Variants in PTPRN2 observed in about 807,000 individuals in gnomAD.
PTPRN2 encodes the protein receptor-type tyrosine-protein phosphatase N2.
PTPRN2 carries 74 observed loss-of-function variants against 118.8 expected under a neutral mutation model. The observed-to-expected ratio is 0.62, with a 90% CI of 0.52 to 0.76. The LOEUF (loss-of-function observed/expected upper bound fraction) is 0.76. Among genes scored for constraint, PTPRN2 ranks in the 30% least tolerant of loss-of-function variants. The probability of loss-of-function intolerance (pLI) is 0.00; values close to 1 mark genes in which losing one functional copy is unlikely to be tolerated. For missense variants in PTPRN2, 1,481 were observed against 1,394.4 expected, an observed-to-expected ratio of 1.06 and a Z score of -0.99; for synonymous variants, 641 against 608.0, an observed-to-expected ratio of 1.05 and a Z score of -0.80.
chr7:158,105,963 G>C (rs1815650489), intron 10 of PTPRN2, among the ~76,000 whole-genome samples: 2 of 151,548 alleles, frequency 1.3e-5, no homozygotes, highest in African/African-American at 4.9e-5. Context: ...CTCCATCCCA[G>C]CTCCATCCAG....
chr7:158,583,405 T>C (rs997482642), intron 1 of PTPRN2, among the ~76,000 whole-genome samples: 3 of 152,062 alleles, frequency 2.0e-5, no homozygotes, highest in South Asian at 2.1e-4. Flanking sequence ...CTGTGCACCA[T>C]GATGGGGCCC....
rs2084600917 is a variant in PTPRN2 at position 158,457,558 on chromosome 7, A to G, written c.163+32177T>C. ...GGGAGTCACAGTAAAGCCACCGTCA[A>G]AACTCCTTCCAAGTTCATTAGCAAA... On this transcript the variant is annotated intron_variant, in intron 2 of 22. Coordinates refer to ENST00000389418, the MANE Select transcript of PTPRN2 (RefSeq NM_002847.5). 1.9e-5 allele frequency among the ~76,000 whole-genome samples: 2 copies of G among 107,808 alleles called. 1 individual carries two copies. The highest frequency in any genetic ancestry group is 4.0e-5 in the Non-Finnish European group (2 of 50,598). 70.7% of individuals were successfully genotyped at this position (107,808 alleles called of 152,430 possible).
chr7:157,946,618 T>C (rs1800506125), intron 11 of PTPRN2, among the ~76,000 whole-genome samples: 1 of 152,212 alleles, frequency 6.6e-6, no homozygotes, highest in East Asian at 1.9e-4. Flanking sequence ...AAGGGCCCTG[T>C]GGACTGAGCC....
intron 11 of PTPRN2, among the ~76,000 whole-genome samples, chr7:157,923,799 T>C (rs981199393): frequency 6.6e-6 from 1 of 152,212 alleles, no homozygotes; most frequent in Admixed American, 6.5e-5. Flanking sequence ...ACAGTGTTAG[T>C]GTAGGATGTT....
rs370704482 is a variant in PTPRN2, at chr7:157,922,571, G to A, written c.1724-23834C>T. Among the ~76,000 whole-genome samples, 10 of 120,188 alleles carry A rather than the reference G, an allele frequency of 8.3e-5. No homozygotes were observed. The East Asian group carries it at 1.0e-3, about 13-fold the overall frequency. The allele number at this position is 120,188 out of a possible 152,430, so 78.8% of individuals were successfully genotyped here. A position where few individuals can be genotyped will look rare whatever the true frequency, so the allele number is the denominator to read the frequency against. On this transcript the variant is annotated intron_variant, in intron 11 of 22. Coordinates refer to ENST00000389418, the MANE Select transcript of PTPRN2 (RefSeq NM_002847.5). ...AAGTGCTGATTTAAACAAGATAAAT[G>A]TTCTCTTTAGTTGGACACAAACTAG...
intron 12 of PTPRN2, among the ~76,000 whole-genome samples, chr7:157,841,556 A>G (rs1808421281): frequency 6.6e-6 from 1 of 152,208 alleles, no homozygotes; most frequent in Admixed American, 6.5e-5. Context: ...TGAGGCAGGG[A>G]AACTGCCCAT....
intron 2 of PTPRN2, among the ~76,000 whole-genome samples, chr7:158,335,474 A>G (rs1477306497): frequency 1.9e-5 from 1 of 52,336 alleles, no homozygotes; most frequent in Admixed American, 2.0e-4. Context: ...CGCTGTCACC[A>G]TAAGAGCTGA....
At chr7:157,835,814 A>G (rs1807894356) in intron 12 of PTPRN2, among the ~76,000 whole-genome samples, 2 of 152,218 alleles carry the variant, frequency 1.3e-5, no homozygotes, top group Admixed American at 6.5e-5. Flanking sequence ...TAATGGAACC[A>G]TAAAAATAAC....
intron 2 of PTPRN2, among the ~76,000 whole-genome samples, chr7:158,382,405 C>T (rs1811030823): frequency 6.6e-6 from 1 of 152,162 alleles, no homozygotes; most frequent in African/African-American, 2.4e-5. Flanking sequence ...ATGAATGCGA[C>T]TGTTCTCCTC....
In PTPRN2 at chr7:157,676,993, C is replaced by T. The variant is rs1042843057; in HGVS notation, c.2001+5732G>A. ...CAGACACCACGCACACCGCCCCTCC[C>T]CTGGTGCTGTGTGAGCACCCATCCT... On this transcript the variant is annotated intron_variant, in intron 13 of 22. Transcript: ENST00000389418. This position sits in a 1 kb window ranked among gnomAD's most constrained non-coding sequence, Gnocchi z 5.6. Among the ~76,000 whole-genome samples, 1 of 152,166 alleles carries T rather than the reference C, an allele frequency of 6.6e-6. No homozygotes were observed. The highest frequency in any genetic ancestry group is 1.5e-5 in the Non-Finnish European group (1 of 68,042).
At chr7:157,838,269 G>A (rs1276565257) in intron 12 of PTPRN2, among the ~76,000 whole-genome samples, 9 of 131,700 alleles carry the variant, frequency 6.8e-5, no homozygotes, top group African/African-American at 1.4e-4. Context: ...GCTCCTCTCC[G>A]CCGTACCTAT....
In PTPRN2 at chr7:157,787,910, C is replaced by T. The variant is rs557360845; in HGVS notation, c.1789-104973G>A. Among the ~76,000 whole-genome samples, 1 of 152,176 alleles carries T rather than the reference C, an allele frequency of 6.6e-6. No homozygotes were observed. The highest frequency in any genetic ancestry group is 1.5e-5 in the Non-Finnish European group (1 of 68,022). On this transcript the variant is annotated intron_variant, in intron 12 of 22. Coordinates refer to ENST00000389418, the MANE Select transcript of PTPRN2 (RefSeq NM_002847.5). The surrounding 1 kb of genome is among the most constrained non-coding windows in gnomAD (Gnocchi z 5.3). ...AAAAGCTGCTGGCAACATCGACGTC[C>T]CCAAGACACTGACAGGCCTGGAGGT...
chr7:158,041,795 C>T (rs1563354100), intron 11 of PTPRN2, among the ~76,000 whole-genome samples: 1 of 152,212 alleles, frequency 6.6e-6, no homozygotes, highest in Non-Finnish European at 1.5e-5. Flanking sequence ...ATTGCATGAT[C>T]TTGGTGATTC....
intron 3 of PTPRN2, among the ~76,000 whole-genome samples, chr7:158,262,353 A>C (rs556345374): frequency 1.5e-4 from 20 of 136,162 alleles, no homozygotes; most frequent in Admixed American, 5.0e-4. Context: ...ATTCACACAC[A>C]CTGCAAACAT....
chr7:158,319,230 C>G (rs566035352), intron 2 of PTPRN2, among the ~76,000 whole-genome samples: 2 of 152,250 alleles, frequency 1.3e-5, no homozygotes, highest in South Asian at 4.1e-4. Context: ...ACCATTGATT[C>G]TCTTTGCCTT....
intron 9 of PTPRN2, among the ~76,000 whole-genome samples, chr7:158,115,326 G>C (rs980519847): frequency 6.6e-6 from 1 of 152,148 alleles, no homozygotes; most frequent in East Asian, 1.9e-4. Context: ...TGGTAATGGT[G>C]ACTGAAGTGG....
chr7:158,260,796 G>A (rs1797347704), intron 3 of PTPRN2, among the ~76,000 whole-genome samples: 1 of 152,134 alleles, frequency 6.6e-6, no homozygotes, highest in Non-Finnish European at 1.5e-5. Flanking sequence ...GGCAGAGACG[G>A]CTCCTTCCTC....
intron 5 of PTPRN2, among the ~76,000 whole-genome samples, chr7:158,180,125 T>A (rs1824570824): frequency 6.6e-6 from 1 of 152,264 alleles, no homozygotes; most frequent in South Asian, 2.1e-4. Context: ...AGAACCCTGG[T>A]GGGCTAAGCC....
chr7:158,484,313 C>T (rs926104195), intron 2 of PTPRN2, among the ~76,000 whole-genome samples: 1 of 152,208 alleles, frequency 6.6e-6, no homozygotes, highest in Non-Finnish European at 1.5e-5. Context: ...CCACAACCTA[C>T]TTTCTGTCTC....
Sources: allele counts gnomAD v4.1 joint callset (sites outside exome capture counted in the v4.1 genomes callset), GRCh38; gene constraint gnomAD v4.1.1; non-coding constraint Gnocchi (gnomAD v3.1); transcripts MANE v1.5; gene names NCBI Gene and HGNC (gene_info 2026-07-23, HGNC 2026-07-21).